The following OLFM1 variants were observed in gnomAD, a reference collection of about 807,000 sequenced individuals.
OLFM1 encodes the protein olfactomedin 1.
OLFM1 carries 9 observed loss-of-function variants against 49.7 expected under a neutral mutation model. The observed-to-expected ratio is 0.18, with a 90% CI of 0.11 to 0.32. OLFM1 has a LOEUF of 0.32. Among genes scored for constraint, OLFM1 ranks in the 10% least tolerant of loss-of-function variants. The probability of loss-of-function intolerance (pLI) is 1.00; values close to 1 mark genes in which losing one functional copy is unlikely to be tolerated. For synonymous variants in OLFM1, 240 were observed against 271.8 expected (o/e 0.88, Z 1.15); for missense variants, 369 against 661.8 (o/e 0.56, Z 4.85).
chr9:135,081,592 G>C (rs1162827647), intron 1 of OLFM1, among the ~76,000 whole-genome samples: 1 of 152,192 alleles, frequency 6.6e-6, no homozygotes, highest in African/African-American at 2.4e-5. Context: ...AGCTGCCTCA[G>C]TTCTCTGGAG....
Position 135,081,860 on chromosome 9 carries a change from C to T in OLFM1, c.96+6058C>T, listed in dbSNP as rs532554674. 5.3e-5 allele frequency among the ~76,000 whole-genome samples: 8 copies of T among 152,312 alleles called. No individual in the cohort carries two copies. In the South Asian group the frequency reaches 1.2e-3, roughly 24 times the overall value. On this transcript the variant is annotated intron_variant, in intron 1 of 5. Transcript: ENST00000252854. ...CTCTAAACTGCCCGACACGTGCACC[C>T]GACACGCCTGCGGGTCCGGTGACCC...
At chr9:135,095,026 C>T (rs1452938189) in intron 2 of OLFM1, 1 of 152,194 alleles carries the variant, frequency 6.6e-6, no homozygotes, top group Non-Finnish European at 1.5e-5. Flanking sequence ...GAAGCACACA[C>T]CAGTTTCCTG....
At chr9:135,087,162 C>T (rs1397060377), upstream of OLFM1, 1 of 1,299,522 alleles carries the variant, frequency 7.7e-7, no homozygotes, top group Non-Finnish European at 1.0e-6. Flanking sequence ...TGCCCCGACG[C>T]CCCCCTGGCG....
At chr9:135,101,223 C>T (rs896705747) in intron 4 of OLFM1, among the ~76,000 whole-genome samples, 1 of 152,094 alleles carries the variant, frequency 6.6e-6, no homozygotes, top group African/African-American at 2.4e-5. Flanking sequence ...GAGACGTGGC[C>T]TCCAGTAGTG....
chr9:135,083,018 C>G (rs1427692094), upstream of OLFM1, among the ~76,000 whole-genome samples: 4 of 152,176 alleles, frequency 2.6e-5, no homozygotes, highest in African/African-American at 9.6e-5. Flanking sequence ...CCAGCTGGAC[C>G]CTGGGATTGA....
intron 1 of OLFM1, chr9:135,077,133 G>A (rs1199594626): frequency 6.5e-7 from 1 of 1,550,140 alleles, no homozygotes; most frequent in African/African-American, 1.4e-5. Flanking sequence ...TTGCTGGACA[G>A]ATGCATTCAT....
At chr9:135,104,426 G>T (rs750306831) in intron 4 of OLFM1, among the ~76,000 whole-genome samples, 6 of 152,230 alleles carry the variant, frequency 3.9e-5, no homozygotes, top group Admixed American at 3.3e-4. Flanking sequence ...CATGCGACCG[G>T]GATGAGTCTG....
At position 135,117,501 on chromosome 9, in the gene OLFM1, C is replaced by CG. The variant is rs1336600704; in HGVS notation, c.784-2001dup. Among the ~76,000 whole-genome samples the CG allele has an allele frequency of 6.6e-6, 1 of 152,232 alleles. No homozygotes were observed. Among genetic ancestry groups the CG allele is most frequent in the Non-Finnish European group, 1.5e-5 (1 of 68,038 alleles). On this transcript the variant is annotated intron_variant, in intron 5 of 5. Transcript: ENST00000371793. This position sits in a 1 kb window ranked among gnomAD's most constrained non-coding sequence, Gnocchi z 5.5. ...TTGGGATATGGGAGCTGGCCCGCCC[C>CG]GGTGACTTTGAGAGTCGATCCTCAC...
At chr9:135,087,248 G>T (rs919778132), upstream of OLFM1, 8 of 1,444,316 alleles carry the variant, frequency 5.5e-6, no homozygotes, top group African/African-American at 8.8e-5. Flanking sequence ...GCCCAGGCTG[G>T]CTGGGACCCT....
At chr9:135,092,236 T>C (rs753114545) in intron 2 of OLFM1, among the ~76,000 whole-genome samples, 19 of 152,082 alleles carry the variant, frequency 1.2e-4, no homozygotes, top group Non-Finnish European at 2.2e-4. Flanking sequence ...GAGGGTGGGC[T>C]AGAGGTTTCG....
chr9:135,111,800 C>T (rs1253205509), intron 5 of OLFM1, among the ~76,000 whole-genome samples: 1 of 152,216 alleles, frequency 6.6e-6, no homozygotes, highest in African/African-American at 2.4e-5. Context: ...ACCTCCGCCT[C>T]CCGAATTGAA....
chr9:135,102,235 C>G (rs1030880038), intron 4 of OLFM1, among the ~76,000 whole-genome samples: 2 of 152,188 alleles, frequency 1.3e-5, no homozygotes, highest in Non-Finnish European at 2.9e-5. Context: ...AAACCTGAAG[C>G]CTCCCTCTTG....
chr9:135,076,539 G>A, intron 1 of OLFM1: 1 of 1,197,128 alleles, frequency 8.4e-7, no homozygotes, highest in Non-Finnish European at 1.1e-6. Context: ...GGCAGGTCTT[G>A]GGGGAGGAGA....
At position 135,090,175 on chromosome 9, in the gene OLFM1, C is replaced by T. The variant is rs1450696881; in HGVS notation, c.151-20C>T. ...CCCTTTCTCTCCTTCCCTCTCCCTT[C>T]CCGCCCCGCCCCTCTCCAGGTGCTG... On this transcript the variant is annotated intron_variant, in intron 1 of 5. Coordinates refer to ENST00000371793, the MANE Select transcript of OLFM1 (RefSeq NM_001282611.2). 7 of 1,590,554 alleles carry T rather than the reference C, an allele frequency of 4.4e-6. No individual in the cohort carries two copies. Among genetic ancestry groups the T allele is most frequent in the Non-Finnish European group, 5.2e-6 (6 of 1,162,970 alleles).
At chr9:135,087,408 C>A, upstream of OLFM1, 1 of 1,545,916 alleles carries the variant, frequency 6.5e-7, no homozygotes, top group Non-Finnish European at 8.7e-7. Flanking sequence ...GGCCGCGGGC[C>A]GTGCCCCCAG....
chr9:135,086,151 G>A (rs1295386804), upstream of OLFM1, among the ~76,000 whole-genome samples: 2 of 152,222 alleles, frequency 1.3e-5, no homozygotes, highest in Admixed American at 6.5e-5. Context: ...CCAGAGGAGG[G>A]GGGCGAAGCC....
At position 135,117,051 on chromosome 9, in the gene OLFM1, A is replaced by G. The variant is rs1381189777; in HGVS notation, c.784-2453A>G. 6.6e-6 allele frequency among the ~76,000 whole-genome samples: 1 copy of G among 152,144 alleles called. No homozygotes were observed. Among genetic ancestry groups the G allele is most frequent in the Admixed American group, 6.5e-5 (1 of 15,282 alleles). ...GCAGCTCCAGAGCCCTCGACGGATAAAGCAGCTGTCTCATTGCCAGACAGA... is the reference window on the plus strand; with the variant it reads ...GCAGCTCCAGAGCCCTCGACGGATAGAGCAGCTGTCTCATTGCCAGACAGA... On this transcript the variant is annotated intron_variant, in intron 5 of 5. Transcript: ENST00000371793. The surrounding 1 kb of genome is among the most constrained non-coding windows in gnomAD (Gnocchi z 5.5).
rs199608131 is a variant in OLFM1 at position 135,098,020 on chromosome 9, GAAA to G, written c.457-258_457-256del. 7 of 1,293,664 alleles carry G rather than the reference GAAA, an allele frequency of 5.4e-6. No homozygotes were observed. Among genetic ancestry groups the G allele is most frequent in the Non-Finnish European group, 7.0e-6 (7 of 1,002,550 alleles). The allele number at this position is 1,293,664 out of a possible 1,614,324, so 80.1% of individuals were successfully genotyped here. ...GTCAATGCATTTTTTGAAAAAGAAA[GAAA>G]AAAAAAACTTCGTGTATGTGACTCA... On this transcript the variant is annotated intron_variant, in intron 3 of 5. Transcript: ENST00000371793. This position sits in a 1 kb window ranked among gnomAD's most constrained non-coding sequence, Gnocchi z 5.6.
chr9:135,093,556 T>C (rs1830743883), intron 2 of OLFM1, among the ~76,000 whole-genome samples: 1 of 152,230 alleles, frequency 6.6e-6, no homozygotes, highest in Non-Finnish European at 1.5e-5. Flanking sequence ...CTGTTAGTTA[T>C]CTTGAGGCCA....
Sources: gnomAD v4.1 joint callset for allele counts (sites outside exome capture counted in the v4.1 genomes callset) on GRCh38, gnomAD v4.1.1 for gene constraint, Gnocchi (gnomAD v3.1) non-coding constraint, MANE v1.5 for transcripts, NCBI Gene and HGNC (gene_info 2026-07-23, HGNC 2026-07-21) for gene names.